RBM19: variants seen among roughly 807,000 people sequenced by gnomAD.
RBM19 encodes the protein probable RNA-binding protein 19.
A neutral mutation model predicts 116.8 loss-of-function variants in RBM19; 94 were observed. The ratio of observed to expected loss-of-function variants is 0.80; its 90% CI spans 0.68 to 0.95. The LOEUF is 0.95. Ranked by LOEUF, RBM19 falls within the 40% of genes least tolerant of loss-of-function variation. The probability of loss-of-function intolerance (pLI) is 0.00; values close to 1 mark genes in which losing one functional copy is unlikely to be tolerated. For missense variants in RBM19, 1,161 were observed against 1,220.7 expected, an observed-to-expected ratio of 0.95 and a Z score of 0.73; for synonymous variants, 475 against 494.1, an observed-to-expected ratio of 0.96 and a Z score of 0.51.
At chr12:113,961,171 T>C (rs976908385) in intron 2 of RBM19, among the ~76,000 whole-genome samples, 2 of 152,156 alleles carry the variant, frequency 1.3e-5, no homozygotes, top group Non-Finnish European at 2.9e-5. Context: ...TCCAGGCACA[T>C]GTCACCATGC....
chr12:113,827,219 G>T (rs1177744731), intron 23 of RBM19, among the ~76,000 whole-genome samples: 1 of 152,176 alleles, frequency 6.6e-6, no homozygotes, highest in Non-Finnish European at 1.5e-5. Context: ...TTTTCTTTCA[G>T]TATTACAGCT....
intron 20 of RBM19, 39 bp from the exon 21 acceptor site, chr12:113,915,124 C>G (rs1882696613): frequency 1.3e-6 from 2 of 1,492,542 alleles, no homozygotes; most frequent in Non-Finnish European, 9.3e-7. Context: ...TTATTCGGAG[C>G]TTCAGCAGCT....
intron 16 of RBM19, chr12:113,927,501 T>G (rs118024011): frequency 4.7e-4 from 172 of 363,024 alleles, no homozygotes; most frequent in South Asian, 2.9e-3. Flanking sequence ...CAGGACCAGC[T>G]CACACTAATT....
At chr12:113,948,384 T>A (rs1871214171) in intron 10 of RBM19, among the ~76,000 whole-genome samples, 1 of 152,122 alleles carries the variant, frequency 6.6e-6, no homozygotes, top group Non-Finnish European at 1.5e-5. Flanking sequence ...ATCAAATCTA[T>A]TTGGTGCTCA....
downstream of RBM19, among the ~76,000 whole-genome samples, chr12:113,821,251 G>A (rs1224571553): frequency 6.6e-6 from 1 of 152,140 alleles, no homozygotes; most frequent in Non-Finnish European, 1.5e-5. Context: ...CATCCTCTGG[G>A]CCAGTTAAGT....
intron 21 of RBM19, among the ~76,000 whole-genome samples, chr12:113,901,811 A>G (rs927739331): frequency 2.0e-5 from 3 of 152,112 alleles, no homozygotes; most frequent in African/African-American, 7.2e-5. Flanking sequence ...CACCATGCCC[A>G]GCCCCAGGAA....
At chr12:113,918,053 T>C (rs1328295461) in intron 20 of RBM19, among the ~76,000 whole-genome samples, 1 of 151,856 alleles carries the variant, frequency 6.6e-6, no homozygotes, top group Non-Finnish European at 1.5e-5. Flanking sequence ...ACCAGCAACC[T>C]CCAGCTCTTC....
intron 21 of RBM19, among the ~76,000 whole-genome samples, chr12:113,862,606 T>C (rs974027814): frequency 6.6e-6 from 1 of 152,186 alleles, no homozygotes; most frequent in African/African-American, 2.4e-5. Flanking sequence ...AAGTTGTGCA[T>C]GAACCTTTGT....
intron 16 of RBM19, among the ~76,000 whole-genome samples, chr12:113,935,130 C>T (rs1405191081): frequency 6.6e-6 from 1 of 152,140 alleles, no homozygotes; most frequent in Non-Finnish European, 1.5e-5. Context: ...GGATAATCCC[C>T]AGGACACAAG....
At chr12:113,918,676 G>A (rs569909929) in intron 19 of RBM19, among the ~76,000 whole-genome samples, 8 of 152,348 alleles carry the variant, frequency 5.3e-5, no homozygotes, top group Admixed American at 4.6e-4. Context: ...GCTCTCTTAA[G>A]CCACAGGTAG....
chr12:113,947,886 C>T (rs569271423), intron 10 of RBM19, among the ~76,000 whole-genome samples: 4 of 152,268 alleles, frequency 2.6e-5, no homozygotes, highest in South Asian at 4.2e-4. Context: ...AGGGTGTGAC[C>T]GCGTCCCCTC....
At position 113,879,029 on chromosome 12, in the gene RBM19, G is replaced by T. The variant is rs1038330667; in HGVS notation, c.2559-20133C>A. 2.6e-5 allele frequency among the ~76,000 whole-genome samples: 4 copies of T among 152,286 alleles called. No homozygotes were observed. The South Asian group carries it at 8.3e-4, about 32-fold the overall frequency. ...CCGTGTGTCCCATCCCCGCCGTCTT[G>T]CAGTGTGGCTGCAGCTGTGGTGGAT... On this transcript the variant is annotated intron_variant, in intron 21 of 23. Transcript: ENST00000261741.
intron 21 of RBM19, among the ~76,000 whole-genome samples, chr12:113,890,243 G>A (rs1217647211): frequency 6.6e-6 from 1 of 152,228 alleles, no homozygotes; most frequent in African/African-American, 2.4e-5. Flanking sequence ...TGGGGCTGCC[G>A]GAGCTGAGCC....
At chr12:113,846,328 C>T (rs1159455806) in intron 22 of RBM19, among the ~76,000 whole-genome samples, 1 of 152,052 alleles carries the variant, frequency 6.6e-6, no homozygotes, top group Admixed American at 6.5e-5. Flanking sequence ...AACTGTGCTC[C>T]TTATCTACAC....
Position 113,957,888 on chromosome 12 carries a change from TCTTCCTCGGCCTCACTCC to T in RBM19, c.716_733del (p.Gly239_Glu244del). The stretch of plus-strand genomic sequence containing the variant: ...CAGGACTGGGGTGGCGGAGGAATCC[TCTTCCTCGGCCTCACTCC>T]CTTCATCACAGTGCACGGCTTCATC... On this transcript the variant is annotated inframe_deletion, in exon 6 of 24. Coordinates refer to ENST00000261741, the MANE Select transcript of RBM19 (RefSeq NM_016196.4). 6.2e-7 allele frequency: 1 copy of T among 1,614,174 alleles called. No individual in the cohort carries two copies. Among genetic ancestry groups the T allele is most frequent in the East Asian group, 2.2e-5 (1 of 44,870 alleles).
intron 19 of RBM19, among the ~76,000 whole-genome samples, chr12:113,919,908 G>A (rs116528922): frequency 0.016 from 2,403 of 152,166 alleles, 71 homozygotes; most frequent in African/African-American, 0.054. Flanking sequence ...AAGCCAGTGT[G>A]CTCACAGCCC....
intron 21 of RBM19, among the ~76,000 whole-genome samples, chr12:113,913,340 A>C (rs1473981724): frequency 1.3e-5 from 2 of 151,958 alleles, no homozygotes; most frequent in Non-Finnish European, 2.9e-5. Context: ...TCCTGGAGGG[A>C]CGACTGATCA....
intron 21 of RBM19, among the ~76,000 whole-genome samples, chr12:113,909,260 C>G (rs1204451339): frequency 6.6e-6 from 1 of 152,146 alleles, no homozygotes; most frequent in Non-Finnish European, 1.5e-5. Flanking sequence ...GTAACTGGGA[C>G]TATAGGAGTG....
At chr12:113,962,449 G>T in intron 1 of RBM19, 35 bp from the exon 2 acceptor site, 1 of 1,588,002 alleles carries the variant, frequency 6.3e-7, no homozygotes. Flanking sequence ...AGACGAACTG[G>T]AAAGTCCCCA....
Sources: gnomAD v4.1 joint callset for allele counts (sites outside exome capture counted in the v4.1 genomes callset) on GRCh38, gnomAD v4.1.1 for gene constraint, MANE v1.5 for transcripts, NCBI Gene and HGNC (gene_info 2026-07-23, HGNC 2026-07-21) for gene names.